GRB10: variants seen among roughly 807,000 people sequenced by gnomAD.
GRB10 encodes the protein growth factor receptor-bound protein 10.
Under a neutral mutation model 80.9 loss-of-function variants are expected in GRB10, and 20 were observed. The observed-to-expected ratio is 0.25, with a 90% CI of 0.17 to 0.36. GRB10 has a LOEUF of 0.36. Among genes scored for constraint, GRB10 ranks in the 10% least tolerant of loss-of-function variants. GRB10 has a pLI of 1.00. For missense variants in GRB10, 548 were observed against 747.7 expected (o/e 0.73, Z 3.12); for synonymous variants, 291 against 291.5 (o/e 1.00, Z 0.02).
At chr7:50,672,222 A>C (rs1027330203) in intron 6 of GRB10, among the ~76,000 whole-genome samples, 1 of 152,068 alleles carries the variant, frequency 6.6e-6, no homozygotes, top group African/African-American at 2.4e-5. Context: ...TGCAGCGTGG[A>C]CCATGCTCCG....
chr7:50,627,734 A>T (rs2053201950), intron 7 of GRB10, among the ~76,000 whole-genome samples: 1 of 152,218 alleles, frequency 6.6e-6, no homozygotes, highest in Non-Finnish European at 1.5e-5. Context: ...CCTTCCCAGA[A>T]CACGAGGTGT....
At chr7:50,607,690 G>A (rs1284632004) in intron 13 of GRB10, among the ~76,000 whole-genome samples, 6 of 152,188 alleles carry the variant, frequency 3.9e-5, no homozygotes, top group Non-Finnish European at 7.3e-5. Context: ...CCGCAGTCAC[G>A]ACTTTGAACG....
At chr7:50,734,362 C>T (rs911243062) in intron 3 of GRB10, among the ~76,000 whole-genome samples, 1 of 152,178 alleles carries the variant, frequency 6.6e-6, no homozygotes, top group Non-Finnish European at 1.5e-5. Flanking sequence ...CTCTCCCCTT[C>T]GCCCACATCT....
At chr7:50,759,405 A>G (rs557522150) in intron 2 of GRB10, among the ~76,000 whole-genome samples, 1 of 152,204 alleles carries the variant, frequency 6.6e-6, no homozygotes, top group African/African-American at 2.4e-5. Context: ...CTCAGCACCT[A>G]TGGCGGATCG....
intron 8 of GRB10, among the ~76,000 whole-genome samples, chr7:50,621,362 A>G (rs947493734): frequency 6.6e-6 from 1 of 152,244 alleles, no homozygotes; most frequent in Non-Finnish European, 1.5e-5. Context: ...GTATCCTGAC[A>G]GAAGTGTGCT....
intron 7 of GRB10, among the ~76,000 whole-genome samples, chr7:50,643,002 T>C (rs946979652): frequency 1.6e-4 from 24 of 152,170 alleles, no homozygotes; most frequent in African/African-American, 5.8e-4. Flanking sequence ...TTCCTTCAAA[T>C]TACTTCTTAA....
intron 7 of GRB10, among the ~76,000 whole-genome samples, chr7:50,666,429 T>C (rs1367921382): frequency 1.3e-5 from 2 of 152,264 alleles, no homozygotes; most frequent in South Asian, 2.1e-4. Context: ...ATGCAGAATT[T>C]TCCCTCCCCT....
At chr7:50,684,267 C>CAAAAAAAAAA (rs386410128) in intron 5 of GRB10, among the ~76,000 whole-genome samples, 10 of 62,298 alleles carry the variant, frequency 1.6e-4, no homozygotes, top group East Asian at 4.9e-4. Context: ...CAATCATCAC[C>CAAAAAAAAAA]AAAAAAAAAA....
At chr7:50,667,277 A>G (rs2059915945) in intron 7 of GRB10, among the ~76,000 whole-genome samples, 1 of 152,148 alleles carries the variant, frequency 6.6e-6, no homozygotes, top group Non-Finnish European at 1.5e-5. Context: ...ATTACCTTCC[A>G]TAGATTTCGT....
intron 14 of GRB10, among the ~76,000 whole-genome samples, chr7:50,605,792 A>G (rs2048417859): frequency 6.6e-6 from 1 of 152,114 alleles, no homozygotes; most frequent in South Asian, 2.1e-4. Context: ...TGGGTTCAGG[A>G]AAACTCGTGG....
intron 3 of GRB10, among the ~76,000 whole-genome samples, chr7:50,742,261 A>ACGCG (rs757623893): frequency 4.4e-4 from 20 of 45,366 alleles, no homozygotes; most frequent in Non-Finnish European, 1.2e-3. Flanking sequence ...ACACACGCGC[A>ACGCG]CGCGCGCGCG....
chr7:50,672,164 G>GC (rs1051250224), intron 6 of GRB10, among the ~76,000 whole-genome samples: 3 of 152,110 alleles, frequency 2.0e-5, no homozygotes, highest in Non-Finnish European at 4.4e-5. Flanking sequence ...TACCCTGCCT[G>GC]CCCCCCAGCT....
chr7:50,695,086 C>T (rs1176900967), intron 5 of GRB10, among the ~76,000 whole-genome samples: 1 of 152,180 alleles, frequency 6.6e-6, no homozygotes, highest in African/African-American at 2.4e-5. Context: ...GATGTGTCCC[C>T]CACCACCTGC....
chr7:50,616,870 A>C (rs2050747094), intron 10 of GRB10, among the ~76,000 whole-genome samples: 1 of 152,192 alleles, frequency 6.6e-6, no homozygotes, highest in African/African-American at 2.4e-5. Flanking sequence ...AACAAAACAA[A>C]ACAAGAAACT....
chr7:50,750,226 C>T (rs1010334419), intron 3 of GRB10, among the ~76,000 whole-genome samples: 1 of 152,192 alleles, frequency 6.6e-6, no homozygotes, highest in Non-Finnish European at 1.5e-5. Context: ...TGGGAGCTGC[C>T]AAGGCAGCAA....
chr7:50,643,932 T>G (rs1417942828), intron 7 of GRB10, among the ~76,000 whole-genome samples: 1 of 152,186 alleles, frequency 6.6e-6, no homozygotes, highest in East Asian at 1.9e-4. Context: ...TTTTTCAAAA[T>G]AAAAGTTTAA....
At chr7:50,671,186 A>G (rs1303792007) in intron 6 of GRB10, among the ~76,000 whole-genome samples, 5 of 152,116 alleles carry the variant, frequency 3.3e-5, no homozygotes, top group South Asian at 4.1e-4. Flanking sequence ...GCAGCCTCCT[A>G]CCTTCAAGGA....
intron 3 of GRB10, among the ~76,000 whole-genome samples, chr7:50,745,296 T>C (rs1389629697): frequency 6.6e-6 from 1 of 152,232 alleles, no homozygotes; most frequent in Non-Finnish European, 1.5e-5. Flanking sequence ...TCTGATATAT[T>C]AATATTTTTC....
chr7:50,659,880 T>A (rs2059064689), intron 7 of GRB10, among the ~76,000 whole-genome samples: 2 of 152,200 alleles, frequency 1.3e-5, no homozygotes, highest in African/African-American at 4.8e-5. Context: ...AATGACAAGT[T>A]GAGAGTTCAC....
Sources: gnomAD v4.1 joint callset for allele counts (sites outside exome capture counted in the v4.1 genomes callset) on GRCh38, gnomAD v4.1.1 for gene constraint, MANE v1.5 for transcripts, NCBI Gene and HGNC (gene_info 2026-07-23, HGNC 2026-07-21) for gene names.